FHIT: variants seen among roughly 807,000 people sequenced by gnomAD.
The protein encoded by FHIT is bis(5'-adenosyl)-triphosphatase.
Under a neutral mutation model 17.9 loss-of-function variants are expected in FHIT, and 19 were observed. That is an observed-to-expected ratio of 1.06 (90% confidence interval 0.74 to 1.56). The LOEUF (loss-of-function observed/expected upper bound fraction) is 1.56. Ranked by LOEUF, FHIT falls within the 40% of genes most tolerant of loss-of-function variation. The pLI is 0.00. For missense variants in FHIT, 248 were observed against 189.2 expected (o/e 1.31, Z -1.82); for synonymous variants, 81 against 69.7 (o/e 1.16, Z -0.81).
At chr3:61,250,072 T>A (rs549347643) in intron 1 of FHIT, among the ~76,000 whole-genome samples, 30 of 152,012 alleles carry the variant, frequency 2.0e-4, no homozygotes, top group Admixed American at 1.3e-3. Flanking sequence ...TGAACGCAGG[T>A]CCACATGGGA....
At chr3:60,130,847 A>G (rs1427288191) in intron 5 of FHIT, among the ~76,000 whole-genome samples, 4 of 128,254 alleles carry the variant, frequency 3.1e-5, no homozygotes, top group African/African-American at 1.1e-4. Context: ...ACATACACAT[A>G]CATGTGTATA....
chr3:60,215,495 G>A (rs1341735775), intron 5 of FHIT, among the ~76,000 whole-genome samples: 6 of 151,948 alleles, frequency 3.9e-5, no homozygotes, highest in African/African-American at 1.2e-4. Flanking sequence ...CCTGGGAGGC[G>A]GAGTTTGCAG....
intron 5 of FHIT, among the ~76,000 whole-genome samples, chr3:60,084,462 G>A (rs1019433275): frequency 6.6e-6 from 1 of 151,996 alleles, no homozygotes; most frequent in East Asian, 1.9e-4. Flanking sequence ...TATGTGTGAG[G>A]AATTCATGAA....
chr3:60,560,802 G>GACAC (rs71092614), intron 4 of FHIT, among the ~76,000 whole-genome samples: 341 of 128,932 alleles, frequency 2.6e-3, no homozygotes, highest in Admixed American at 6.1e-3. Flanking sequence ...GATGTAAGGA[G>GACAC]ACACACACAC....
At chr3:61,230,897 G>A (rs2040083514) in intron 1 of FHIT, among the ~76,000 whole-genome samples, 1 of 152,122 alleles carries the variant, frequency 6.6e-6, no homozygotes, top group East Asian at 1.9e-4. Context: ...CTAATATTCT[G>A]TGATTTTTTT....
intron 4 of FHIT, among the ~76,000 whole-genome samples, chr3:60,681,291 A>G (rs2040740993): frequency 6.6e-6 from 1 of 152,156 alleles, no homozygotes; most frequent in South Asian, 2.1e-4. Context: ...TGTAAGTGTT[A>G]TGGAGCCCAA....
At chr3:60,690,505 C>A (rs374768253) in intron 4 of FHIT, 37 of 563,668 alleles carry the variant, frequency 6.6e-5, no homozygotes, top group South Asian at 5.0e-4. Flanking sequence ...GCTACCAGTG[C>A]CATTATGGCA....
At chr3:61,131,142 A>C (rs2036752050) in intron 2 of FHIT, among the ~76,000 whole-genome samples, 1 of 152,198 alleles carries the variant, frequency 6.6e-6, no homozygotes, top group Admixed American at 6.5e-5. Context: ...TAAACAACTC[A>C]ACAGGTAAAA....
intron 5 of FHIT, among the ~76,000 whole-genome samples, chr3:60,327,818 C>G (rs968254351): frequency 3.9e-5 from 6 of 152,082 alleles, no homozygotes; most frequent in Non-Finnish European, 8.8e-5. Flanking sequence ...TAATTCAATT[C>G]AGATGGTTCA....
chr3:60,414,744 T>G (rs140295503), intron 5 of FHIT, among the ~76,000 whole-genome samples: 244 of 152,286 alleles, frequency 1.6e-3, no homozygotes, highest in African/African-American at 5.6e-3. Flanking sequence ...GTTCTGAGGA[T>G]TACGGCAAGG....
At chr3:60,650,304 G>A (rs529348527) in intron 4 of FHIT, among the ~76,000 whole-genome samples, 1 of 152,258 alleles carries the variant, frequency 6.6e-6, no homozygotes, top group South Asian at 2.1e-4. Context: ...CCATAGTAAG[G>A]AATTTGCAAT....
intron 5 of FHIT, among the ~76,000 whole-genome samples, chr3:60,339,888 T>A (rs1454647629): frequency 6.6e-6 from 1 of 151,336 alleles, no homozygotes; most frequent in Non-Finnish European, 1.5e-5. Flanking sequence ...GACTTTGAGA[T>A]TTTTTTTTAA....
At chr3:59,869,055 G>A (rs1021893932) in intron 8 of FHIT, among the ~76,000 whole-genome samples, 1 of 152,154 alleles carries the variant, frequency 6.6e-6, no homozygotes, top group Non-Finnish European at 1.5e-5. Context: ...CATATGAAAT[G>A]TAGGAGAACG....
chr3:60,931,004 C>T (rs1466165866), intron 3 of FHIT, among the ~76,000 whole-genome samples: 1 of 152,162 alleles, frequency 6.6e-6, no homozygotes, highest in African/African-American at 2.4e-5. Flanking sequence ...GAAAATGTGG[C>T]ACATATACAC....
At chr3:59,846,243 C>A (rs919796240) in intron 8 of FHIT, among the ~76,000 whole-genome samples, 1 of 151,832 alleles carries the variant, frequency 6.6e-6, no homozygotes, top group Non-Finnish European at 1.5e-5. Context: ...AATTCCTTTT[C>A]GATTTTTTCT....
chr3:59,945,481 C>T (rs190429452), intron 7 of FHIT, among the ~76,000 whole-genome samples: 1 of 150,168 alleles, frequency 6.7e-6, no homozygotes, highest in African/African-American at 2.4e-5. Flanking sequence ...TCTGTTTACT[C>T]TGTTGATAGT....
intron 4 of FHIT, among the ~76,000 whole-genome samples, chr3:60,598,206 G>C (rs1011360847): frequency 2.6e-5 from 4 of 152,024 alleles, no homozygotes; most frequent in Non-Finnish European, 5.9e-5. Flanking sequence ...TTTAAAGAGA[G>C]GGCATTTTCC....
intron 4 of FHIT, among the ~76,000 whole-genome samples, chr3:60,678,249 C>A (rs1206654702): frequency 2.0e-5 from 3 of 152,088 alleles, no homozygotes; most frequent in South Asian, 4.1e-4. Flanking sequence ...TAAAAGAAGA[C>A]CTGAACCAGA....
chr3:60,412,673 T>C (rs1702106112), intron 5 of FHIT, among the ~76,000 whole-genome samples: 1 of 152,124 alleles, frequency 6.6e-6, no homozygotes, highest in Non-Finnish European at 1.5e-5. Context: ...GTTTCTCACC[T>C]AGGAAGGGAC....
Sources: gnomAD v4.1 joint callset for allele counts (sites outside exome capture counted in the v4.1 genomes callset) on GRCh38, gnomAD v4.1.1 for gene constraint, MANE v1.5 for transcripts, NCBI Gene and HGNC (gene_info 2026-07-23, HGNC 2026-07-21) for gene names.